Variants in CDH18 observed in about 807,000 individuals in gnomAD.
CDH18 encodes the protein cadherin-18.
Under a neutral mutation model 67.9 loss-of-function variants are expected in CDH18, and 31 were observed. That is an observed-to-expected ratio of 0.46 (90% CI 0.34 to 0.62). The LOEUF (loss-of-function observed/expected upper bound fraction) is 0.62. Ranked by LOEUF, CDH18 falls within the 20% of genes least tolerant of loss-of-function variation. The pLI is 0.01. For missense variants in CDH18, 890 were observed against 975.5 expected (o/e 0.91, Z 1.17); for synonymous variants, 362 against 347.2 (o/e 1.04, Z -0.48).
At chr5:20,539,105 T>C (rs1756906316) in intron 1 of CDH18, among the ~76,000 whole-genome samples, 1 of 151,836 alleles carries the variant, frequency 6.6e-6, no homozygotes, top group Non-Finnish European at 1.5e-5. Flanking sequence ...GCCACGCTGG[T>C]CTCCAACTTC....
At chr5:20,346,103 C>A (rs1313583531) in intron 1 of CDH18, among the ~76,000 whole-genome samples, 1 of 152,044 alleles carries the variant, frequency 6.6e-6, no homozygotes, top group Non-Finnish European at 1.5e-5. Flanking sequence ...GAAATCCAAC[C>A]GTTTAGAATG....
chr5:20,495,486 G>T (rs1753850629), intron 1 of CDH18, among the ~76,000 whole-genome samples: 1 of 152,090 alleles, frequency 6.6e-6, no homozygotes, highest in Non-Finnish European at 1.5e-5. Context: ...AGCCTATTCA[G>T]CAACAAACCA....
At chr5:19,929,094 A>G (rs1169454216) in intron 2 of CDH18, among the ~76,000 whole-genome samples, 5 of 152,100 alleles carry the variant, frequency 3.3e-5, no homozygotes, top group Non-Finnish European at 7.3e-5. Context: ...TTTCATAATT[A>G]ATGAAAGTTT....
chr5:20,411,336 T>C (rs1746754229), intron 1 of CDH18, among the ~76,000 whole-genome samples: 1 of 151,998 alleles, frequency 6.6e-6, no homozygotes, highest in East Asian at 1.9e-4. Context: ...GTGCCTACAA[T>C]ACACAATAGG....
chr5:19,993,276 C>G (rs908788862), intron 2 of CDH18, among the ~76,000 whole-genome samples: 2 of 151,836 alleles, frequency 1.3e-5, no homozygotes, highest in Non-Finnish European at 2.9e-5. Context: ...TTTCTACAGA[C>G]AATAATTTCA....
intron 2 of CDH18, among the ~76,000 whole-genome samples, chr5:19,934,386 A>G (rs1378353583): frequency 6.6e-6 from 1 of 151,212 alleles, no homozygotes; most frequent in East Asian, 1.9e-4. Flanking sequence ...TTTTAGGGAT[A>G]ATGACAACCC....
intron 2 of CDH18, among the ~76,000 whole-genome samples, chr5:19,975,258 A>C (rs2150347026): frequency 6.6e-6 from 1 of 152,256 alleles, no homozygotes; most frequent in Middle Eastern, 3.4e-3. Flanking sequence ...AATAAAAATT[A>C]TGTTAAATTT....
intron 2 of CDH18, among the ~76,000 whole-genome samples, chr5:20,056,524 C>T (rs1424902621): frequency 4.0e-5 from 2 of 49,792 alleles, no homozygotes; most frequent in African/African-American, 8.1e-5. Flanking sequence ...GGGATTGGTT[C>T]CAGTTCATTT....
intron 1 of CDH18, among the ~76,000 whole-genome samples, chr5:20,339,613 C>G (rs10064087): frequency 0.11 from 16,827 of 151,994 alleles, 1,520 homozygotes; most frequent in East Asian, 0.37. Context: ...AGAACCCCGT[C>G]AAACTTACCC....
chr5:20,480,332 T>A (rs1752704784), intron 1 of CDH18, among the ~76,000 whole-genome samples: 1 of 152,176 alleles, frequency 6.6e-6, no homozygotes, highest in Admixed American at 6.5e-5. Context: ...CTACAACAAC[T>A]TTTCAAGACA....
intron 1 of CDH18, among the ~76,000 whole-genome samples, chr5:20,552,609 T>A (rs1757691236): frequency 6.6e-6 from 1 of 152,092 alleles, no homozygotes; most frequent in African/African-American, 2.4e-5. Context: ...TTCAAATACT[T>A]CAAAAAAGTT....
chr5:20,381,568 G>T (rs1743910175), intron 1 of CDH18, among the ~76,000 whole-genome samples: 1 of 152,046 alleles, frequency 6.6e-6, no homozygotes, highest in East Asian at 1.9e-4. Flanking sequence ...CTAAAACAAG[G>T]AAGGCATTGA....
At chr5:19,619,209 G>A (rs982714823) in intron 5 of CDH18, among the ~76,000 whole-genome samples, 1 of 152,086 alleles carries the variant, frequency 6.6e-6, no homozygotes, top group Non-Finnish European at 1.5e-5. Flanking sequence ...TTGGCAATTC[G>A]AAGTGTGCTG....
At chr5:20,438,437 C>T (rs1372513181) in intron 1 of CDH18, among the ~76,000 whole-genome samples, 3 of 151,316 alleles carry the variant, frequency 2.0e-5, no homozygotes, top group African/African-American at 4.9e-5. Flanking sequence ...AGGTCTAGTT[C>T]TTTAGCTGTT....
intron 1 of CDH18, among the ~76,000 whole-genome samples, chr5:20,574,388 G>C (rs1254554041): frequency 1.3e-5 from 2 of 151,714 alleles, no homozygotes; most frequent in Non-Finnish European, 2.9e-5. Flanking sequence ...TATCACAGAT[G>C]GCAGTTTGTT....
chr5:20,200,670 C>T (rs934472733), intron 2 of CDH18, among the ~76,000 whole-genome samples: 13 of 151,740 alleles, frequency 8.6e-5, no homozygotes, highest in African/African-American at 3.1e-4. Flanking sequence ...AGTGAGAGCC[C>T]ATTTCAAACA....
chr5:20,293,282 A>G (rs1199885895), intron 1 of CDH18, among the ~76,000 whole-genome samples: 1 of 152,120 alleles, frequency 6.6e-6, no homozygotes, highest in African/African-American at 2.4e-5. Flanking sequence ...ACGCCATTGC[A>G]CTCCAGCCTT....
At chr5:20,092,099 A>G (rs1580219675) in intron 2 of CDH18, among the ~76,000 whole-genome samples, 1 of 152,232 alleles carries the variant, frequency 6.6e-6, no homozygotes, top group Non-Finnish European at 1.5e-5. Flanking sequence ...CTGTAGTATA[A>G]GATGCTGCAA....
chr5:20,532,017 G>A (rs1471653194), intron 1 of CDH18, among the ~76,000 whole-genome samples: 1 of 152,066 alleles, frequency 6.6e-6, no homozygotes, highest in South Asian at 2.1e-4. Context: ...GTGTATGTGT[G>A]AATGTATAAC....
Sources: allele counts gnomAD v4.1 joint callset (sites outside exome capture counted in the v4.1 genomes callset), GRCh38; gene constraint gnomAD v4.1.1; transcripts MANE v1.5; gene names NCBI Gene and HGNC (gene_info 2026-07-23, HGNC 2026-07-21).